ZNF423: variants seen among roughly 807,000 people sequenced by gnomAD.
The protein encoded by ZNF423 is Ebf-associated zinc finger protein.
Under a neutral mutation model 95.8 loss-of-function variants are expected in ZNF423, and 12 were observed. The observed-to-expected ratio is 0.13, with a 90% CI of 0.08 to 0.20. ZNF423 has a LOEUF of 0.20. Ranked by LOEUF, ZNF423 falls within the 10% of genes least tolerant of loss-of-function variation. The probability of loss-of-function intolerance (pLI) is 1.00; values close to 1 mark genes in which losing one functional copy is unlikely to be tolerated. For synonymous variants in ZNF423, 749 were observed against 711.9 expected (o/e 1.05, Z -0.83); for missense variants, 1,316 against 1,737.1 (o/e 0.76, Z 4.31).
Position 49,709,878 on chromosome 16 carries a change from A to G in ZNF423, c.301+20893T>C, listed in dbSNP as rs138758422. Among the ~76,000 whole-genome samples the G allele has an allele frequency of 1.0e-3, 156 of 152,244 alleles. 2 individuals are homozygous for G. Among genetic ancestry groups the G allele is most frequent in the African/African-American group, 3.0e-3 (124 of 41,544 alleles). On this transcript the variant is annotated intron_variant, in intron 3 of 7. Transcript: ENST00000563137. ...CAGCCTCCAGGACTGTGAACGACAAATTTCTGTTGCATGTAAATCACACAA... is the reference window on the plus strand; with the variant it reads ...CAGCCTCCAGGACTGTGAACGACAAGTTTCTGTTGCATGTAAATCACACAA...
intron 2 of ZNF423, among the ~76,000 whole-genome samples, chr16:49,783,620 G>A (rs1044019170): frequency 3.4e-5 from 5 of 148,794 alleles, no homozygotes; most frequent in Non-Finnish European, 7.4e-5. Context: ...GCTGGGATTG[G>A]CGGGAGAGAG....
chr16:49,832,783 G>T (rs1452657689), intron 1 of ZNF423, among the ~76,000 whole-genome samples: 2 of 151,982 alleles, frequency 1.3e-5, no homozygotes, highest in Admixed American at 1.3e-4. Context: ...ATGGACAGAA[G>T]AGACATGCCC....
intron 1 of ZNF423, chr16:49,853,662 G>C (rs1338854050): frequency 3.0e-6 from 3 of 985,270 alleles, no homozygotes; most frequent in East Asian, 1.1e-4. Context: ...ATACACATTT[G>C]AGAGAGGCAC....
chr16:49,812,664 C>T (rs969881362), intron 1 of ZNF423, among the ~76,000 whole-genome samples: 5 of 152,118 alleles, frequency 3.3e-5, no homozygotes, highest in Admixed American at 1.3e-4. Context: ...TGGGCAACAG[C>T]GTGAGATCCC....
At chr16:49,534,267 C>CTTTTTTTTT (rs1968974476) in intron 5 of ZNF423, among the ~76,000 whole-genome samples, 1 of 144,654 alleles carries the variant, frequency 6.9e-6, no homozygotes. Context: ...TTTTTGTTTG[C>CTTTTTTTTT]TTTTGAGACC....
rs545977248 is a variant in ZNF423 at position 49,855,511 on chromosome 16, TCCGCCG to T, written c.40+218_40+223del. On this transcript the variant is annotated intron_variant, in intron 1 of 7. Transcript: ENST00000563137. This position sits in a 1 kb window ranked among gnomAD's most constrained non-coding sequence, Gnocchi z 4.7. ...GGGAGGGTGTCCGCGGCGTACCCCCTCCGCCGCCGCCGCCGCCGCCGCCGCCTCCGC... is the reference window on the plus strand; with the variant it reads ...GGGAGGGTGTCCGCGGCGTACCCCCTCCGCCGCCGCCGCCGCCGCCTCCGC... Among the ~76,000 whole-genome samples the T allele has an allele frequency of 0.19, 26,860 of 143,822 alleles. 2,874 individuals are homozygous for T. Among genetic ancestry groups the T allele is most frequent in the Non-Finnish European group, 0.26 (16,884 of 65,762 alleles). 94.4% of individuals were successfully genotyped at this position (143,822 alleles called of 152,430 possible).
At position 49,638,413 on chromosome 16, in the gene ZNF423, T is replaced by C; in HGVS notation, c.763A>G (p.Asn255Asp). ...TCCGACTTGGCCAGATGCTCCTTGT[T>C]CTTTTTGTGGGCCTGCATGTGGCTC... ...LQSHMQAHKK[N>D]KEHLAKSEKE... Residue 255 changes from asparagine to aspartate, a missense_variant, in exon 4 of 8, where the codon AAC becomes GAC. Around this residue, in one of 6 missense-constraint regions of ZNF423, gnomAD observed 399 missense variants for 478.5 expected, o/e 0.83. Coordinates refer to ENST00000563137, the MANE Select transcript of ZNF423 (RefSeq NM_001379286.1). This position sits in a 1 kb window ranked among gnomAD's most constrained non-coding sequence, Gnocchi z 5.6. 1.2e-6 allele frequency: 2 copies of C among 1,613,950 alleles called. No homozygotes were observed. The highest frequency in any genetic ancestry group is 1.7e-6 in the Non-Finnish European group (2 of 1,180,040).
At chr16:49,777,107 G>A (rs182272019) in intron 2 of ZNF423, among the ~76,000 whole-genome samples, 4 of 152,338 alleles carry the variant, frequency 2.6e-5, no homozygotes, top group Admixed American at 2.0e-4. Context: ...GTGCATACCT[G>A]TGTCTGCAGG....
intron 3 of ZNF423, among the ~76,000 whole-genome samples, chr16:49,726,958 T>C (rs78534650): frequency 0.057 from 8,562 of 150,730 alleles, 361 homozygotes; most frequent in South Asian, 0.13. Context: ...TGAAAACGTA[T>C]GTGCTCACAA....
rs1567519496 is a variant in ZNF423, at chr16:49,636,558, T to C, written c.2618A>G (p.Asn873Ser). Residue 873 changes from asparagine to serine, a missense_variant, in exon 4 of 8, where the codon AAC becomes AGC. By Grantham distance (46) the Asn-to-Ser change is conservative (BLOSUM62 1). This residue lies in a region of ZNF423 where 620 missense variants were observed against 775.6 expected (regional missense o/e 0.80). Coordinates refer to ENST00000563137, the MANE Select transcript of ZNF423 (RefSeq NM_001379286.1). This position sits in a 1 kb window ranked among gnomAD's most constrained non-coding sequence, Gnocchi z 8.6. ...CTCATGGCTGTTAGGTGCCTCAGGG[T>C]TCTTAAGCAGCATGCCCTGCAGGTC... The part of the protein sequence containing the change: ...PADLQGMLLK[N>S]PEAPNSHEAS... The C allele has an allele frequency of 6.2e-7, 1 of 1,613,602 alleles. No homozygotes were observed. Among genetic ancestry groups the C allele is most frequent in the Non-Finnish European group, 8.5e-7 (1 of 1,179,958 alleles).
At chr16:49,801,455 T>C (rs2034582157) in intron 1 of ZNF423, among the ~76,000 whole-genome samples, 1 of 152,210 alleles carries the variant, frequency 6.6e-6, no homozygotes, top group Non-Finnish European at 1.5e-5. Context: ...ATTCTAGCTT[T>C]CAGGCCCTGG....
At chr16:49,854,034 A>G (rs1021339726) in intron 1 of ZNF423, 101 of 985,272 alleles carry the variant, frequency 1.0e-4, no homozygotes, top group Non-Finnish European at 1.2e-4. Flanking sequence ...AAAGAAATCC[A>G]GTATTATTTC....
In ZNF423 at chr16:49,855,008, C is replaced by G; in HGVS notation, c.40+727G>C. ...GGGCGCGCACCGCGGCCGCTGAGCT[C>G]CCCTGAGGACCTGCGTCCCGCCGGC... On this transcript the variant is annotated intron_variant, in intron 1 of 7. Transcript: ENST00000563137. This position sits in a 1 kb window ranked among gnomAD's most constrained non-coding sequence, Gnocchi z 4.7. 1.0e-6 allele frequency: 1 copy of G among 984,922 alleles called. No individual in the cohort carries two copies. The highest frequency in any genetic ancestry group is 4.7e-5 in the South Asian group (1 of 21,270). The allele number at this position is 984,922 out of a possible 1,614,324, so 61.0% of individuals were successfully genotyped here. A position where few individuals can be genotyped will look rare whatever the true frequency, so the allele number is the denominator to read the frequency against.
intron 1 of ZNF423, among the ~76,000 whole-genome samples, chr16:49,850,449 C>A (rs2035290658): frequency 6.6e-6 from 1 of 152,180 alleles, no homozygotes; most frequent in Admixed American, 6.5e-5. Flanking sequence ...ATAATGGGGA[C>A]CCCACTAACA....
chr16:49,514,618 T>G (rs1968057664), intron 7 of ZNF423, among the ~76,000 whole-genome samples: 1 of 152,244 alleles, frequency 6.6e-6, no homozygotes, highest in Non-Finnish European at 1.5e-5. Context: ...GGCTCCGGGT[T>G]GCTTGTTAGA....
Position 49,635,750 on chromosome 16 carries a change from G to A in ZNF423, c.3426C>T (p.Asp1142=), listed in dbSNP as rs1596755190. 6.2e-7 allele frequency: 1 copy of A among 1,612,942 alleles called. No homozygotes were observed. Among genetic ancestry groups the A allele is most frequent in the Non-Finnish European group, 8.5e-7 (1 of 1,179,862 alleles). ...GGTCCACCTGCATGTGGCTCTCCAG[G>A]TCTTCGGCACTCTCAAACTTGACAC... ...ECSVKFESAE[D]LESHMQVDHR... is the part of the protein sequence containing the mutation. The change falls in exon 4 of 8, where the codon GAC becomes GAT. Residue 1142 remains aspartate (D), a synonymous_variant. Coordinates refer to ENST00000563137, the MANE Select transcript of ZNF423 (RefSeq NM_001379286.1). The surrounding 1 kb of genome is among the most constrained non-coding windows in gnomAD (Gnocchi z 4.8).
chr16:49,590,636 G>A (rs74446154), intron 5 of ZNF423, among the ~76,000 whole-genome samples: 2,459 of 152,254 alleles, frequency 0.016, 40 homozygotes, highest in Non-Finnish European at 0.023. Flanking sequence ...CTTCCCCTTG[G>A]TCTTCTCCTC....
chr16:49,774,443 A>G (rs2034087129), intron 2 of ZNF423, among the ~76,000 whole-genome samples: 1 of 152,130 alleles, frequency 6.6e-6, no homozygotes, highest in South Asian at 2.1e-4. Flanking sequence ...AGGGGGCTCC[A>G]GCCAGACTTT....
At chr16:49,503,722 T>TCA (rs1285574560) in intron 7 of ZNF423, among the ~76,000 whole-genome samples, 1 of 152,138 alleles carries the variant, frequency 6.6e-6, no homozygotes, top group Non-Finnish European at 1.5e-5. Flanking sequence ...CATGACACCA[T>TCA]CAGCGCAACA....
Sources: allele counts gnomAD v4.1 joint callset (sites outside exome capture counted in the v4.1 genomes callset), GRCh38; gene constraint gnomAD v4.1.1; regional missense constraint gnomAD v4.1.1; non-coding constraint Gnocchi (gnomAD v3.1); transcripts MANE v1.5; gene names NCBI Gene and HGNC (gene_info 2026-07-23, HGNC 2026-07-21).